IMMP2L: variants seen among roughly 807,000 people sequenced by gnomAD.
IMMP2L encodes mitochondrial inner membrane protease subunit 2.
IMMP2L carries 18 observed loss-of-function variants against 19.3 expected under a neutral mutation model. That is an observed-to-expected ratio of 0.93 (90% CI 0.64 to 1.38). The LOEUF (loss-of-function observed/expected upper bound fraction) is 1.38, where lower values mean the gene tolerates loss of function less well. Among genes scored for constraint, IMMP2L ranks in the 40% most tolerant of loss-of-function variants. The pLI, the probability that IMMP2L is intolerant of heterozygous loss-of-function variation, is 0.00. For missense variants in IMMP2L, 233 were observed against 218.2 expected, an observed-to-expected ratio of 1.07 and a Z score of -0.43; for synonymous variants, 76 against 73.0, an observed-to-expected ratio of 1.04 and a Z score of -0.21.
chr7:111,538,817 A>T (rs1382631600), intron 1 of IMMP2L, among the ~76,000 whole-genome samples: 2 of 92,854 alleles, frequency 2.2e-5, no homozygotes, highest in East Asian at 3.0e-4. Flanking sequence ...TGGCTCATTT[A>T]AAAAAAAAAA....
intron 3 of IMMP2L, among the ~76,000 whole-genome samples, chr7:111,163,797 T>C (rs1805524420): frequency 6.6e-6 from 1 of 152,066 alleles, no homozygotes; most frequent in African/African-American, 2.4e-5. Context: ...TATAATCCAA[T>C]AGTCTGATAT....
In IMMP2L at chr7:110,778,433, C is replaced by T. The variant is rs75556735; in HGVS notation, c.408+108160G>A. On this transcript the variant is annotated intron_variant, in intron 5 of 5. Coordinates refer to ENST00000405709, the MANE Select transcript of IMMP2L (RefSeq NM_032549.4). ...GATGCTGATAATCTCTTATGATGCA[C>T]GTATTCATCATCGTTTACTTCTGTT... 8.6e-3 allele frequency among the ~76,000 whole-genome samples: 1,313 copies of T among 151,994 alleles called. 22 individuals carry two copies. The highest frequency in any genetic ancestry group is 0.029 in the African/African-American group (1,223 of 41,506).
At chr7:111,511,841 C>G (rs1391599677) in intron 2 of IMMP2L, among the ~76,000 whole-genome samples, 1 of 152,078 alleles carries the variant, frequency 6.6e-6, no homozygotes, top group African/African-American at 2.4e-5. Flanking sequence ...AGCTGGACTT[C>G]TAACCCCACT....
intron 5 of IMMP2L, among the ~76,000 whole-genome samples, chr7:110,867,166 G>C (rs1037004299): frequency 2.6e-5 from 4 of 151,902 alleles, no homozygotes; most frequent in Non-Finnish European, 4.4e-5. Context: ...CTGAATGCTG[G>C]AAGTCCAAGA....
At chr7:110,800,104 A>G (rs1000933522) in intron 5 of IMMP2L, among the ~76,000 whole-genome samples, 1 of 152,124 alleles carries the variant, frequency 6.6e-6, no homozygotes, top group Admixed American at 6.6e-5. Flanking sequence ...CATGCACTTG[A>G]AAGAAGAATT....
chr7:110,945,290 A>G (rs2129553465), intron 4 of IMMP2L, among the ~76,000 whole-genome samples: 1 of 152,144 alleles, frequency 6.6e-6, no homozygotes, highest in East Asian at 1.9e-4. Context: ...TTAAAAAAGC[A>G]TTCTTGTGGA....
chr7:111,472,094 G>A (rs1841324691), intron 3 of IMMP2L, among the ~76,000 whole-genome samples: 1 of 152,014 alleles, frequency 6.6e-6, no homozygotes, highest in Non-Finnish European at 1.5e-5. Flanking sequence ...CTCCATAAGA[G>A]TATCCTTTGT....
chr7:111,410,787 TAAGAC>T (rs1483792330), intron 3 of IMMP2L, among the ~76,000 whole-genome samples: 1 of 151,690 alleles, frequency 6.6e-6, no homozygotes. Flanking sequence ...ATGTTGCAGA[TAAGAC>T]ACTACAGAAA....
intron 5 of IMMP2L, among the ~76,000 whole-genome samples, chr7:110,676,490 T>C (rs1463429255): frequency 6.6e-6 from 1 of 152,358 alleles, no homozygotes; most frequent in East Asian, 1.9e-4. Context: ...ACCTTTTCTA[T>C]ATTATAAATT....
chr7:110,669,104 T>TACAG (rs769817541), intron 5 of IMMP2L, among the ~76,000 whole-genome samples: 6 of 143,624 alleles, frequency 4.2e-5, no homozygotes, highest in African/African-American at 1.6e-4. Flanking sequence ...TGTATATATA[T>TACAG]ATATAGAGAG....
intron 3 of IMMP2L, among the ~76,000 whole-genome samples, chr7:111,328,345 T>C (rs1191508260): frequency 6.6e-6 from 1 of 151,762 alleles, no homozygotes; most frequent in Non-Finnish European, 1.5e-5. Flanking sequence ...ATGAAATACA[T>C]GGCAGCTAGA....
At chr7:110,806,917 C>T (rs1485265757) in intron 5 of IMMP2L, among the ~76,000 whole-genome samples, 4 of 151,874 alleles carry the variant, frequency 2.6e-5, no homozygotes, top group Admixed American at 2.6e-4. Context: ...AGCCAAATGA[C>T]CCGACTGTGG....
At chr7:111,142,459 T>A (rs1803038976) in intron 3 of IMMP2L, among the ~76,000 whole-genome samples, 1 of 152,104 alleles carries the variant, frequency 6.6e-6, no homozygotes, top group Non-Finnish European at 1.5e-5. Flanking sequence ...CTGCATAACT[T>A]TCATAAATAG....
intron 3 of IMMP2L, among the ~76,000 whole-genome samples, chr7:111,005,967 G>GTTT (rs34140423): frequency 0.027 from 4,046 of 149,562 alleles, 72 homozygotes; most frequent in Middle Eastern, 0.083. Context: ...GAAAGGCCAG[G>GTTT]TTTTTTTTTT....
intron 3 of IMMP2L, among the ~76,000 whole-genome samples, chr7:111,356,228 C>G (rs1828684062): frequency 6.6e-6 from 1 of 151,996 alleles, no homozygotes; most frequent in Non-Finnish European, 1.5e-5. Flanking sequence ...AGTTGGCCCA[C>G]TGTATCCATG....
intron 3 of IMMP2L, among the ~76,000 whole-genome samples, chr7:111,398,586 A>G: frequency 6.6e-6 from 1 of 151,976 alleles, no homozygotes; most frequent in South Asian, 2.1e-4. Flanking sequence ...GCCCCCTCCC[A>G]CCACTTCTCT....
At chr7:111,090,754 T>C (rs948737635) in intron 3 of IMMP2L, among the ~76,000 whole-genome samples, 2 of 152,004 alleles carry the variant, frequency 1.3e-5, no homozygotes, top group African/African-American at 2.4e-5. Context: ...AGAGACGGAG[T>C]TGGAGGTTTG....
intron 5 of IMMP2L, among the ~76,000 whole-genome samples, chr7:110,672,530 TC>T (rs1206105163): frequency 6.6e-6 from 1 of 152,006 alleles, no homozygotes; most frequent in Non-Finnish European, 1.5e-5. Flanking sequence ...AACCCAAAAG[TC>T]TAAGTCCAAA....
At chr7:111,193,502 C>T (rs973280256) in intron 3 of IMMP2L, among the ~76,000 whole-genome samples, 3 of 152,156 alleles carry the variant, frequency 2.0e-5, no homozygotes, top group African/African-American at 7.2e-5. Flanking sequence ...CATTGAGCAT[C>T]CATCTCCAAC....
Sources: allele counts gnomAD v4.1 joint callset (sites outside exome capture counted in the v4.1 genomes callset), GRCh38; gene constraint gnomAD v4.1.1; transcripts MANE v1.5; gene names NCBI Gene and HGNC (gene_info 2026-07-23, HGNC 2026-07-21).